The following ANKRD31 variants were observed in gnomAD, a reference collection of about 807,000 sequenced individuals.
The protein encoded by ANKRD31 is ankyrin repeat domain-containing protein 31.
In ANKRD31, 147 loss-of-function variants were observed where a neutral mutation model predicts 186.0. That is an observed-to-expected ratio of 0.79 (90% CI 0.69 to 0.91). ANKRD31 has a LOEUF of 0.91. ANKRD31 is among the 40% of genes least tolerant of loss of function. ANKRD31 has a pLI of 0.00. For synonymous variants in ANKRD31, 673 were observed against 736.4 expected, an observed-to-expected ratio of 0.91 and a Z score of 1.39; for missense variants, 1,986 against 2,148.8, an observed-to-expected ratio of 0.92 and a Z score of 1.50.
At chr5:75,236,457 G>A (rs982153225) in intron 1 of ANKRD31, 126 bp downstream of exon 1, 34 of 729,694 alleles carry the variant, frequency 4.7e-5, no homozygotes, top group Non-Finnish European at 7.1e-5. Flanking sequence ...TGCCCCACAA[G>A]GCTCTGATCC....
intron 3 of ANKRD31, among the ~76,000 whole-genome samples, chr5:75,221,684 C>T (rs376725167): frequency 6.4e-4 from 98 of 152,164 alleles, no homozygotes; most frequent in African/African-American, 2.2e-3. Flanking sequence ...CAACCCCTGC[C>T]GCCCCTGGGA....
chr5:75,177,862 G>A (rs1462124749), intron 10 of ANKRD31, among the ~76,000 whole-genome samples: 1 of 152,076 alleles, frequency 6.6e-6, no homozygotes, highest in Non-Finnish European at 1.5e-5. Context: ...CATAATAACA[G>A]GATCAAATTC....
At chr5:75,201,989 C>T (rs1755851274) in intron 5 of ANKRD31, among the ~76,000 whole-genome samples, 1 of 152,184 alleles carries the variant, frequency 6.6e-6, no homozygotes, top group Non-Finnish European at 1.5e-5. Context: ...ATCTTTGAAT[C>T]CACCTATAAA....
chr5:75,171,112 A>C (rs1048472765), intron 10 of ANKRD31, among the ~76,000 whole-genome samples: 1 of 152,092 alleles, frequency 6.6e-6, no homozygotes, highest in Admixed American at 6.6e-5. Context: ...GCTGAACAAC[A>C]TTATCAACAC....
At chr5:75,234,832 G>GTT (rs112042332) in intron 1 of ANKRD31, among the ~76,000 whole-genome samples, 3,696 of 150,382 alleles carry the variant, frequency 0.025, 142 homozygotes, top group African/African-American at 0.085. Context: ...AATACTTTTT[G>GTT]GTTTTTTTTT....
chr5:75,174,178 A>G (rs374010796), intron 10 of ANKRD31, among the ~76,000 whole-genome samples: 1 of 152,196 alleles, frequency 6.6e-6, no homozygotes, highest in Admixed American at 6.6e-5. Context: ...CTAGCCATAT[A>G]TAGAAAGCTG....
At chr5:75,231,817 A>G (rs985663914) in intron 1 of ANKRD31, among the ~76,000 whole-genome samples, 2 of 152,020 alleles carry the variant, frequency 1.3e-5, no homozygotes, top group African/African-American at 4.8e-5. Flanking sequence ...TGAAGCAGGA[A>G]GATGGCTTGA....
At chr5:75,111,750 A>G (rs1747807352) in intron 20 of ANKRD31, among the ~76,000 whole-genome samples, 1 of 152,210 alleles carries the variant, frequency 6.6e-6, no homozygotes, top group African/African-American at 2.4e-5. Context: ...TTGAGAAAAT[A>G]AGATTATTAG....
rs561846162 is a variant in ANKRD31 at position 75,206,873 on chromosome 5, G to C, written c.327-386C>G. Among the ~76,000 whole-genome samples the C allele has an allele frequency of 4.6e-5, 7 of 152,252 alleles. No homozygotes were observed. In the East Asian group the frequency reaches 1.4e-3, roughly 29 times the overall value. On this transcript the variant is annotated intron_variant, in intron 4 of 25. Coordinates refer to ENST00000506364, the MANE Select transcript of ANKRD31 (RefSeq NM_001372053.1). ...CACTGATAGTTTGTCATTAGTTTTAGATGTAAGTGAGAGTCATTAATGATA... is the reference window on the plus strand; with the variant it reads ...CACTGATAGTTTGTCATTAGTTTTACATGTAAGTGAGAGTCATTAATGATA...
intron 12 of ANKRD31, among the ~76,000 whole-genome samples, chr5:75,149,487 T>C (rs1407426244): frequency 6.6e-6 from 1 of 151,976 alleles, no homozygotes; most frequent in Non-Finnish European, 1.5e-5. Flanking sequence ...AGTATGACAT[T>C]GATTCATTCA....
intron 11 of ANKRD31, among the ~76,000 whole-genome samples, chr5:75,155,463 T>C (rs138128256): frequency 1.3e-5 from 2 of 152,208 alleles, no homozygotes; most frequent in Non-Finnish European, 2.9e-5. Flanking sequence ...GAACATACTA[T>C]AATTTATTTC....
intron 10 of ANKRD31, among the ~76,000 whole-genome samples, chr5:75,177,734 C>A (rs1454532179): frequency 6.6e-6 from 1 of 152,068 alleles, no homozygotes; most frequent in African/African-American, 2.4e-5. Context: ...CTGAAGGAAG[C>A]ACTAAACATG....
intron 10 of ANKRD31, 122 bp downstream of exon 10, chr5:75,188,371 T>G: frequency 1.1e-6 from 1 of 933,254 alleles, no homozygotes; most frequent in Non-Finnish European, 1.5e-6. Flanking sequence ...AACAGGAAAA[T>G]GATCTGAAAG....
intron 11 of ANKRD31, among the ~76,000 whole-genome samples, chr5:75,156,353 T>A (rs1401935350): frequency 2.0e-5 from 3 of 152,192 alleles, no homozygotes; most frequent in Admixed American, 1.3e-4. Flanking sequence ...GTCCTTCTGG[T>A]GTATTAATGT....
Position 75,112,511 on chromosome 5 carries a change from A to T in ANKRD31, c.4243+2T>A. 6.8e-7 allele frequency: 1 copy of T among 1,472,038 alleles called. No homozygotes were observed. Among genetic ancestry groups the T allele is most frequent in the South Asian group, 1.2e-5 (1 of 80,928 alleles). The allele number at this position is 1,472,038 out of a possible 1,614,324, so 91.2% of individuals were successfully genotyped here. A position where few individuals can be genotyped will look rare whatever the true frequency, so the allele number is the denominator to read the frequency against. On this transcript the variant is annotated splice_donor_variant, in intron 20 of 25. Transcript: ENST00000506364. LOFTEE classifies it high-confidence loss of function. ...CATACTTGAGTATGAGTCTATATTT[A>T]CCTGCATCTTCAGGGTTTCTTATTT...
intron 24 of ANKRD31, among the ~76,000 whole-genome samples, chr5:75,083,613 C>T (rs1318880636): frequency 2.0e-5 from 3 of 152,022 alleles, no homozygotes; most frequent in Non-Finnish European, 4.4e-5. Flanking sequence ...ACCTGTAATC[C>T]CAGCTACTCG....
chr5:75,231,224 C>T (rs539249313), intron 1 of ANKRD31, among the ~76,000 whole-genome samples: 1 of 151,816 alleles, frequency 6.6e-6, no homozygotes, highest in African/African-American at 2.4e-5. Context: ...TGTGCACCAC[C>T]ATGCCTGGCT....
intron 6 of ANKRD31, 24 bp from the exon 7 acceptor site, chr5:75,196,224 C>T: frequency 1.4e-6 from 2 of 1,416,596 alleles, no homozygotes; most frequent in Non-Finnish European, 1.8e-6. Flanking sequence ...ATAGAAATTA[C>T]ATCATTACAG....
chr5:75,088,998 G>C (rs1414620254), intron 23 of ANKRD31, among the ~76,000 whole-genome samples: 2 of 152,094 alleles, frequency 1.3e-5, no homozygotes, highest in Non-Finnish European at 2.9e-5. Context: ...GAATTGCCTG[G>C]AATGCTTTTT....
Sources: gnomAD v4.1 joint callset for allele counts (sites outside exome capture counted in the v4.1 genomes callset) on GRCh38, gnomAD v4.1.1 for gene constraint, MANE v1.5 for transcripts, NCBI Gene and HGNC (gene_info 2026-07-23, HGNC 2026-07-21) for gene names.